GAD1: variants seen among roughly 807,000 people sequenced by gnomAD.
GAD1 encodes the protein 67 kDa glutamic acid decarboxylase.
Under a neutral mutation model 75.2 loss-of-function variants are expected in GAD1, and 35 were observed. That is an observed-to-expected ratio of 0.47 (90% CI 0.36 to 0.62). The LOEUF (loss-of-function observed/expected upper bound fraction) is 0.62. Ranked by LOEUF, GAD1 falls within the 20% of genes least tolerant of loss-of-function variation. The pLI is 0.00. For synonymous variants in GAD1, 257 were observed against 271.9 expected, an observed-to-expected ratio of 0.95 and a Z score of 0.54; for missense variants, 490 against 758.5, an observed-to-expected ratio of 0.65 and a Z score of 4.16.
chr2:170,848,506 AAAAAAAG>A (rs1458632644), intron 11 of GAD1, among the ~76,000 whole-genome samples: 1 of 151,764 alleles, frequency 6.6e-6, no homozygotes, highest in Non-Finnish European at 1.5e-5. Context: ...CAAAAAAAAA[AAAAAAAG>A]AAAAAAGAAA....
At chr2:170,828,500 TG>T (rs1559272231) in intron 3 of GAD1, among the ~76,000 whole-genome samples, 3 of 109,856 alleles carry the variant, frequency 2.7e-5, no homozygotes, top group Non-Finnish European at 5.6e-5. Context: ...CTGCTGTCCT[TG>T]ATCTCCTCCC....
intron 6 of GAD1, among the ~76,000 whole-genome samples, chr2:170,842,201 G>C (rs1702532523): frequency 6.6e-6 from 1 of 152,160 alleles, no homozygotes; most frequent in Non-Finnish European, 1.5e-5. Flanking sequence ...ACCTATGCCT[G>C]ATATTCAGTC....
chr2:170,835,295 T>G (rs1702343508), intron 5 of GAD1, among the ~76,000 whole-genome samples: 1 of 152,172 alleles, frequency 6.6e-6, no homozygotes, highest in African/African-American at 2.4e-5. Context: ...TCAAGAGATC[T>G]CCCCCTCCAA....
In GAD1 at chr2:170,859,960, A is replaced by C; in HGVS notation, c.*78A>C. ...CAGAACAAACCTCTATATGTTGCTG[A>C]AACACACAGGCCATTTCATTGAGGG... On this transcript the variant is annotated 3_prime_UTR_variant, in exon 17 of 17. Coordinates refer to ENST00000358196, the MANE Select transcript of GAD1 (RefSeq NM_000817.3). 7.7e-7 allele frequency: 1 copy of C among 1,303,714 alleles called. No homozygotes were observed. Among genetic ancestry groups the C allele is most frequent in the Non-Finnish European group, 1.1e-6 (1 of 910,794 alleles). The allele number at this position is 1,303,714 out of a possible 1,614,324, so 80.8% of individuals were successfully genotyped here.
At chr2:170,831,318 T>A in intron 5 of GAD1, 126 bp downstream of exon 5, 1 of 1,089,680 alleles carries the variant, frequency 9.2e-7, no homozygotes, top group Non-Finnish European at 1.4e-6. Context: ...GGCGGCAAAG[T>A]ACCCAGTGAC....
chr2:170,844,230 G>A, intron 7 of GAD1, 73 bp downstream of exon 7: 3 of 869,002 alleles, frequency 3.5e-6, no homozygotes, highest in Non-Finnish European at 5.8e-6. Context: ...TAGGTTTATG[G>A]AAGAATAATG....
chr2:170,850,762 C>T (rs757678570), intron 12 of GAD1, among the ~76,000 whole-genome samples: 2 of 152,100 alleles, frequency 1.3e-5, no homozygotes, highest in East Asian at 3.9e-4. Flanking sequence ...GCCTGTAATC[C>T]CAGCACTTTG....
chr2:170,852,859 T>G, intron 13 of GAD1, 67 bp downstream of exon 13: 1 of 1,366,624 alleles, frequency 7.3e-7, no homozygotes, highest in Admixed American at 1.7e-5. Flanking sequence ...AAGACACACG[T>G]GGGGTCTCTT....
Position 170,860,140 on chromosome 2 carries a change from T to G in GAD1, c.*258T>G. 1 of 433,148 alleles carries G rather than the reference T, an allele frequency of 2.3e-6. No individual in the cohort carries two copies. Among genetic ancestry groups the G allele is most frequent in the Admixed American group, 3.7e-5 (1 of 26,732 alleles). 26.8% of individuals were successfully genotyped at this position (433,148 alleles called of 1,614,324 possible). A position where few individuals can be genotyped will look rare whatever the true frequency, so the allele number is the denominator to read the frequency against. ...CCTCTCTCTATATATACATGTATAG[T>G]GAGTGTGGCTTAGTAATAGATCACG... On this transcript the variant is annotated 3_prime_UTR_variant, in exon 17 of 17. Coordinates refer to ENST00000358196, the MANE Select transcript of GAD1 (RefSeq NM_000817.3).
chr2:170,840,544 C>T (rs1702486941), intron 6 of GAD1, among the ~76,000 whole-genome samples: 1 of 151,680 alleles, frequency 6.6e-6, no homozygotes, highest in Non-Finnish European at 1.5e-5. Context: ...CTCAAAGTTG[C>T]ATTATGGTGC....
chr2:170,818,759 G>C lies in GAD1; in HGVS notation c.82+86G>C, dbSNP rs534577984. On this transcript the variant is annotated intron_variant, in intron 2 of 16. Coordinates refer to ENST00000358196, the MANE Select transcript of GAD1 (RefSeq NM_000817.3). This position sits in a 1 kb window ranked among gnomAD's most constrained non-coding sequence, Gnocchi z 5.9. ...TCGGGAGGCTGAGCTGGCGGAAAGG[G>C]AAGGGGGAGCGCGGAGATAATGGAG... 1.9e-4 allele frequency: 245 copies of C among 1,286,136 alleles called. No individual in the cohort carries two copies. The highest frequency in any genetic ancestry group is 1.3e-3 in the Middle Eastern group (7 of 5,474). The allele number at this position is 1,286,136 out of a possible 1,614,324, so 79.7% of individuals were successfully genotyped here. A position where few individuals can be genotyped will look rare whatever the true frequency, so the allele number is the denominator to read the frequency against.
Position 170,818,560 on chromosome 2 carries a change from T to G in GAD1, c.-32T>G. ...TCTGCGCCGGACCAGTCGAGGACTCTGGACAGTAGAGGCCCCGGGACGACC... is the reference window on the plus strand; with the variant it reads ...TCTGCGCCGGACCAGTCGAGGACTCGGGACAGTAGAGGCCCCGGGACGACC... On this transcript the variant is annotated 5_prime_UTR_variant, in exon 2 of 17. Coordinates refer to ENST00000358196, the MANE Select transcript of GAD1 (RefSeq NM_000817.3). This position sits in a 1 kb window ranked among gnomAD's most constrained non-coding sequence, Gnocchi z 5.9. The G allele has an allele frequency of 1.2e-6, 2 of 1,605,650 alleles. No individual in the cohort carries two copies. Among genetic ancestry groups the G allele is most frequent in the Non-Finnish European group, 1.7e-6 (2 of 1,172,262 alleles).
At chr2:170,851,550 G>A (rs1376150660) in intron 12 of GAD1, among the ~76,000 whole-genome samples, 2 of 152,130 alleles carry the variant, frequency 1.3e-5, no homozygotes, top group African/African-American at 2.4e-5. Flanking sequence ...ACCTAAGCAC[G>A]ATGAAGAGGT....
Position 170,852,719 on chromosome 2 carries a change from A to T in GAD1, c.1190A>T (p.Asn397Ile). 1 of 1,614,114 alleles carries T rather than the reference A, an allele frequency of 6.2e-7. No individual in the cohort carries two copies. Among genetic ancestry groups the T allele is most frequent in the Non-Finnish European group, 8.5e-7 (1 of 1,179,982 alleles). Reference protein sequence around the residue: ...RHKLNGIERANSVTWNPHKMM... With the variant: ...RHKLNGIERAISVTWNPHKMM... The stretch of plus-strand genomic sequence containing the variant: ...GTCTCATGTGCTTCTTTCAGGGCCA[A>T]CTCAGTCACCTGGAACCCTCACAAG... Residue 397 changes from asparagine to isoleucine, a missense_variant, in exon 13 of 17, where the codon AAC becomes ATC. Transcript: ENST00000358196.
Position 170,845,603 on chromosome 2 carries a change from C to T in GAD1, c.849C>T (p.Val283=), listed in dbSNP as rs576560343. ...GCATGGCGGCTGTGCCTAAACTGGT[C>T]CTCTTCACCTCAGAACAGGTGAGTC... ...TKGMAAVPKL[V]LFTSEQSHYS... is the part of the protein sequence containing the mutation. The change falls in exon 8 of 17, where the codon GTC becomes GTT. Residue 283 remains valine, a synonymous_variant. Coordinates refer to ENST00000358196, the MANE Select transcript of GAD1 (RefSeq NM_000817.3). 2 of 1,614,050 alleles carry T rather than the reference C, an allele frequency of 1.2e-6. No homozygotes were observed. Among genetic ancestry groups the T allele is most frequent in the African/African-American group, 1.3e-5 (1 of 75,026 alleles).
chr2:170,847,067 C>T lies in GAD1; in HGVS notation c.1003-609C>T, dbSNP rs374356926. On this transcript the variant is annotated intron_variant, in intron 10 of 16. Transcript: ENST00000358196. ...AACTTGTCTTAGATCTATTACTCTA[C>T]TCCTTCGTTTATTTTTTGTTTATGT... Among the ~76,000 whole-genome samples, 4 of 152,314 alleles carry T rather than the reference C, an allele frequency of 2.6e-5. 1 individual carries two copies. The highest frequency in any genetic ancestry group is 9.6e-5 in the African/African-American group (4 of 41,574).
chr2:170,849,170 T>A lies in GAD1; in HGVS notation c.1120-116T>A. ...TGTGGGCTGAACTTTTCTGAGAAAC[T>A]TATGTTTTTCACCTTGTACTTTCTT... On this transcript the variant is annotated intron_variant, in intron 11 of 16. Transcript: ENST00000358196. 6.8e-6 allele frequency: 6 copies of A among 882,372 alleles called. No individual in the cohort carries two copies. The South Asian group carries it at 8.4e-5, about 12-fold the overall frequency. The allele number at this position is 882,372 out of a possible 1,614,324, so 54.7% of individuals were successfully genotyped here. A position where few individuals can be genotyped will look rare whatever the true frequency, so the allele number is the denominator to read the frequency against.
At chr2:170,834,342 A>T (rs1702316780) in intron 5 of GAD1, among the ~76,000 whole-genome samples, 1 of 152,264 alleles carries the variant, frequency 6.6e-6, no homozygotes, top group Non-Finnish European at 1.5e-5. Context: ...TAATGCATTA[A>T]TAGGCTCAGC....
chr2:170,836,197 G>A lies in GAD1; in HGVS notation c.548-596G>A, dbSNP rs548332009. 4.0e-5 allele frequency among the ~76,000 whole-genome samples: 6 copies of A among 151,304 alleles called. No homozygotes were observed. The East Asian group carries it at 7.7e-4, about 20-fold the overall frequency. On this transcript the variant is annotated intron_variant, in intron 5 of 16. Transcript: ENST00000358196. Reference sequence around the variant, plus strand: ...TTCTAACACCAGTTCCCAGCCACACGTCCCTAGATAATCTATTGCGTTGAC... The same window carrying A: ...TTCTAACACCAGTTCCCAGCCACACATCCCTAGATAATCTATTGCGTTGAC...
Sources: gnomAD v4.1 joint callset for allele counts (sites outside exome capture counted in the v4.1 genomes callset) on GRCh38, gnomAD v4.1.1 for gene constraint, Gnocchi (gnomAD v3.1) non-coding constraint, MANE v1.5 for transcripts, NCBI Gene and HGNC (gene_info 2026-07-23, HGNC 2026-07-21) for gene names.